The following UNC13C variants were observed in gnomAD, a reference collection of about 807,000 sequenced individuals.
UNC13C encodes the protein unc-13 homolog C.
A neutral mutation model predicts 245.4 loss-of-function variants in UNC13C; 174 were observed. The observed-to-expected ratio is 0.71, with a 90% CI of 0.63 to 0.80. The LOEUF is 0.80. Among genes scored for constraint, UNC13C ranks in the 30% least tolerant of loss-of-function variants. UNC13C has a pLI of 0.00. For synonymous variants in UNC13C, 992 were observed against 895.1 expected (o/e 1.11, Z -1.93); for missense variants, 2,829 against 2,602.9 (o/e 1.09, Z -1.89).
intron 30 of UNC13C, among the ~76,000 whole-genome samples, chr15:54,618,504 A>G (rs1900586209): frequency 6.6e-6 from 1 of 152,208 alleles, no homozygotes; most frequent in Admixed American, 6.6e-5. Context: ...CCATATTCAA[A>G]TCCATAGGAA....
intron 10 of UNC13C, among the ~76,000 whole-genome samples, chr15:54,278,197 A>G (rs1270977046): frequency 1.3e-5 from 2 of 151,948 alleles, no homozygotes; most frequent in African/African-American, 4.8e-5. Flanking sequence ...TCTTTTCACC[A>G]CTTTTTAGAA....
chr15:54,108,070 AT>A (rs1221084541), intron 2 of UNC13C, among the ~76,000 whole-genome samples: 1 of 152,182 alleles, frequency 6.6e-6, no homozygotes, highest in Non-Finnish European at 1.5e-5. Context: ...ATATACAAGG[AT>A]TATCTGGGTT....
chr15:54,015,336 A>C lies in UNC13C; in HGVS notation c.2433A>C (p.Val811=), dbSNP rs779097805. The stretch of plus-strand genomic sequence containing the variant: ...GGGCTAAATCAGCCTTGGAAGTAGT[A>C]TGGAACAAAAGCACACAGAGTCTGA... ...LQRAKSALEV[V]WNKSTQSLSG... The change falls in exon 2 of 33, where the codon GTA becomes GTC. Residue 811 remains valine, a synonymous_variant. Coordinates refer to ENST00000260323, the MANE Select transcript of UNC13C (RefSeq NM_001080534.3). 6.2e-7 allele frequency: 1 copy of C among 1,613,758 alleles called. No individual in the cohort carries two copies. Among genetic ancestry groups the C allele is most frequent in the Non-Finnish European group, 8.5e-7 (1 of 1,179,864 alleles).
chr15:54,244,767 C>T (rs1048653366), intron 7 of UNC13C, among the ~76,000 whole-genome samples: 4 of 152,138 alleles, frequency 2.6e-5, no homozygotes, highest in African/African-American at 9.7e-5. Context: ...ATTTGGCTCT[C>T]TGCCTACCTG....
rs749849752 is a variant in UNC13C at position 54,143,657 on chromosome 15, A to G, written c.3044A>G (p.Lys1015Arg). The G allele has an allele frequency of 6.2e-7, 1 of 1,613,236 alleles. No individual in the cohort carries two copies. Among genetic ancestry groups the G allele is most frequent in the African/African-American group, 1.3e-5 (1 of 74,908 alleles). Residue 1015 changes from lysine to arginine, a missense_variant, in exon 4 of 33, where the codon AAA becomes AGA. Transcript: ENST00000260323. ...AGTGGCAATGATTTGGATGCTTCCA[A>G]ATTTTCTGCACTCCAGGTGTGTGGT... Reference protein sequence around the residue: ...IVSGNDLDASKFSALQVCGGA... With the variant: ...IVSGNDLDASRFSALQVCGGA...
intron 11 of UNC13C, among the ~76,000 whole-genome samples, chr15:54,295,131 A>G (rs2037395492): frequency 1.3e-5 from 2 of 152,078 alleles, no homozygotes; most frequent in South Asian, 4.2e-4. Context: ...CCACCCCCCA[A>G]AGCTTGTTTT....
chr15:54,017,242 T>C (rs1208508963), intron 2 of UNC13C, among the ~76,000 whole-genome samples: 1 of 152,172 alleles, frequency 6.6e-6, no homozygotes, highest in Non-Finnish European at 1.5e-5. Context: ...CAGGGATGGG[T>C]AGTTCTCAAC....
chr15:54,503,844 T>G (rs1043712890), intron 22 of UNC13C, among the ~76,000 whole-genome samples: 5 of 152,150 alleles, frequency 3.3e-5, no homozygotes, highest in Non-Finnish European at 7.3e-5. Flanking sequence ...AATCCTTATA[T>G]CAAAATATAC....
chr15:53,960,079 G>C, the UNC13C span, among the ~76,000 whole-genome samples: 1 of 152,106 alleles, frequency 6.6e-6, no homozygotes, highest in South Asian at 2.1e-4. Flanking sequence ...GAGACACTAA[G>C]GAGATATGCT....
chr15:54,014,346 G>A lies in UNC13C; in HGVS notation c.1443G>A (p.Lys481=), dbSNP rs1595714646. 4 of 1,613,832 alleles carry A rather than the reference G, an allele frequency of 2.5e-6. No individual in the cohort carries two copies. Among genetic ancestry groups the A allele is most frequent in the Non-Finnish European group, 3.4e-6 (4 of 1,179,798 alleles). The part of the protein sequence containing the change: ...SELLTKGSTS[K]PSSKSHSARS... ...TTCTAACAAAGGGAAGTACTTCCAA[G>A]CCAAGCTCAAAATCACACAGTGCTA... is the stretch of plus-strand genomic sequence containing the variant. The change falls in exon 2 of 33, where the codon AAG becomes AAA. Residue 481 remains lysine (K), a synonymous_variant. Coordinates refer to ENST00000260323, the MANE Select transcript of UNC13C (RefSeq NM_001080534.3).
intron 4 of UNC13C, among the ~76,000 whole-genome samples, chr15:54,159,436 T>C (rs1198695262): frequency 2.6e-5 from 4 of 152,248 alleles, no homozygotes; most frequent in South Asian, 2.1e-4. Context: ...AAGCACTGTT[T>C]GTCCTTTGAG....
chr15:54,059,149 A>G (rs71467585), intron 2 of UNC13C, among the ~76,000 whole-genome samples: 6 of 152,286 alleles, frequency 3.9e-5, no homozygotes, highest in African/African-American at 4.8e-5. Flanking sequence ...AGGGTGTTCA[A>G]TTGGGAAAAG....
At chr15:53,873,688 T>C in the UNC13C span, among the ~76,000 whole-genome samples, 1 of 8,824 alleles carries the variant, frequency 1.1e-4, no homozygotes, top group Admixed American at 1.3e-3. Flanking sequence ...GTCAGGGTAC[T>C]GAGCAACACC....
At chr15:54,578,653 C>A (rs1013869751) in intron 30 of UNC13C, among the ~76,000 whole-genome samples, 11 of 152,200 alleles carry the variant, frequency 7.2e-5, no homozygotes, top group African/African-American at 2.7e-4. Flanking sequence ...TTATAAGCAC[C>A]TTCATGTATT....
At chr15:54,562,559 A>T (rs1169095006) in intron 29 of UNC13C, among the ~76,000 whole-genome samples, 3 of 151,954 alleles carry the variant, frequency 2.0e-5, no homozygotes, top group Non-Finnish European at 4.4e-5. Flanking sequence ...TACAAGTGGA[A>T]GTTTTGATTT....
chr15:54,320,072 A>C (rs1324950880), intron 13 of UNC13C, among the ~76,000 whole-genome samples: 1 of 152,020 alleles, frequency 6.6e-6, no homozygotes, highest in Admixed American at 6.6e-5. Context: ...AGAATTGCTT[A>C]CAGAAGATAT....
At chr15:54,127,776 A>T (rs1346703323) in intron 2 of UNC13C, among the ~76,000 whole-genome samples, 1 of 145,018 alleles carries the variant, frequency 6.9e-6, no homozygotes, top group East Asian at 2.0e-4. Context: ...AATATAAAAT[A>T]ATATATTTAA....
intron 30 of UNC13C, among the ~76,000 whole-genome samples, chr15:54,569,209 CT>C (rs201245741): frequency 1.3e-5 from 2 of 149,776 alleles, no homozygotes; most frequent in South Asian, 4.2e-4. Flanking sequence ...ACACCCCCCC[CT>C]CCAACACACA....
chr15:54,224,923 T>C (rs1229421062), intron 4 of UNC13C, among the ~76,000 whole-genome samples: 1 of 152,106 alleles, frequency 6.6e-6, no homozygotes, highest in Non-Finnish European at 1.5e-5. Context: ...GGTTTTCCAA[T>C]TTATTGGCAT....
Sources: allele counts gnomAD v4.1 joint callset (sites outside exome capture counted in the v4.1 genomes callset), GRCh38; gene constraint gnomAD v4.1.1; transcripts MANE v1.5; gene names NCBI Gene and HGNC (gene_info 2026-07-23, HGNC 2026-07-21).